The following SMCO4 variants were observed in gnomAD, a reference collection of about 807,000 sequenced individuals.
SMCO4 encodes the protein single-pass membrane and coiled-coil domain-containing protein 4.
SMCO4 carries 4 observed loss-of-function variants against 3.6 expected under a neutral mutation model. That is an observed-to-expected ratio of 1.11 (90% CI 0.54 to 2.53). The LOEUF (loss-of-function observed/expected upper bound fraction) is 2.53. Among genes scored for constraint, SMCO4 ranks in the 30% most tolerant of loss-of-function variants. The pLI is 0.02. For synonymous variants in SMCO4, 36 were observed against 35.3 expected, an observed-to-expected ratio of 1.02 and a Z score of -0.07; for missense variants, 70 against 80.8, an observed-to-expected ratio of 0.87 and a Z score of 0.51.
At chr11:93,528,604 G>A (rs1949133484) in intron 1 of SMCO4, among the ~76,000 whole-genome samples, 2 of 151,308 alleles carry the variant, frequency 1.3e-5, no homozygotes, top group South Asian at 2.1e-4. Context: ...TGCCTAAACC[G>A]GCTCTACCTT....
At chr11:93,518,063 C>G (rs1458152910) in intron 1 of SMCO4, among the ~76,000 whole-genome samples, 2 of 152,136 alleles carry the variant, frequency 1.3e-5, no homozygotes, top group Non-Finnish European at 2.9e-5. Flanking sequence ...TTTCATCAAC[C>G]CAAAAGAAAA....
intron 2 of SMCO4, among the ~76,000 whole-genome samples, chr11:93,481,780 C>T (rs1421161357): frequency 6.6e-6 from 1 of 152,220 alleles, no homozygotes; most frequent in Non-Finnish European, 1.5e-5. Flanking sequence ...CACTCTGATT[C>T]GTGGCCATTT....
At chr11:93,481,008 T>C (rs928508803) in intron 2 of SMCO4, among the ~76,000 whole-genome samples, 1 of 151,636 alleles carries the variant, frequency 6.6e-6, no homozygotes, top group Non-Finnish European at 1.5e-5. Flanking sequence ...TTTGGGCAAA[T>C]GTATAATTTC....
At chr11:93,485,423 C>A (rs1948637521) in intron 2 of SMCO4, among the ~76,000 whole-genome samples, 1 of 152,268 alleles carries the variant, frequency 6.6e-6, no homozygotes, top group Non-Finnish European at 1.5e-5. Context: ...ATGCGCTTTT[C>A]CCTCACACTG....
chr11:93,548,492 T>C, the SMCO4 span, among the ~76,000 whole-genome samples: 10 of 152,352 alleles, frequency 6.6e-5, no homozygotes, highest in East Asian at 1.9e-3. Context: ...GTTTTAATCA[T>C]GTAGCCTGTT....
At chr11:93,526,315 A>AG (rs1949106854) in intron 1 of SMCO4, among the ~76,000 whole-genome samples, 1 of 151,518 alleles carries the variant, frequency 6.6e-6, no homozygotes, top group Non-Finnish European at 1.5e-5. Context: ...AAAAAAAAAA[A>AG]TTAGGAAGAC....
upstream of SMCO4, among the ~76,000 whole-genome samples, chr11:93,546,634 A>C (rs1949317449): frequency 6.6e-6 from 1 of 152,248 alleles, no homozygotes; most frequent in African/African-American, 2.4e-5. Flanking sequence ...GAGCTGGCTC[A>C]GAGCAGAACT....
intron 2 of SMCO4, among the ~76,000 whole-genome samples, chr11:93,495,025 C>T (rs1348017792): frequency 6.6e-6 from 1 of 152,112 alleles, no homozygotes; most frequent in African/African-American, 2.4e-5. Context: ...CCCTTGCTGA[C>T]CTCCCAGGCC....
intron 1 of SMCO4, among the ~76,000 whole-genome samples, chr11:93,536,261 T>C (rs553525605): frequency 6.6e-6 from 1 of 152,340 alleles, no homozygotes; most frequent in African/African-American, 2.4e-5. Context: ...CTTGAGAGCA[T>C]AGTATGGGTA....
intron 1 of SMCO4, among the ~76,000 whole-genome samples, chr11:93,506,864 G>A (rs1285387231): frequency 3.9e-5 from 6 of 152,262 alleles, no homozygotes; most frequent in Admixed American, 2.0e-4. Context: ...CGGCACTTCC[G>A]CTGCAGGCCA....
Position 93,542,977 on chromosome 11 carries a change from TC to T in SMCO4, c.-154+298del, listed in dbSNP as rs1230872974. Reference sequence around the variant, plus strand: ...CCCGCCCGGCCCCGCGGGCTCGCGGTCCGCCCCAACTTTTCCCAGCCCCCGC... The same window carrying T: ...CCCGCCCGGCCCCGCGGGCTCGCGGTCGCCCCAACTTTTCCCAGCCCCCGC... On this transcript the variant is annotated intron_variant, in intron 1 of 2. Transcript: ENST00000298966. Among the ~76,000 whole-genome samples, 3 of 149,404 alleles carry T rather than the reference TC, an allele frequency of 2.0e-5. No individual in the cohort carries two copies. In the East Asian group the frequency reaches 6.1e-4, roughly 30 times the overall value.
chr11:93,535,511 A>G (rs1565390699), intron 1 of SMCO4: 1 of 1,395,546 alleles, frequency 7.2e-7, no homozygotes, highest in Non-Finnish European at 1.0e-6. Context: ...GGAGCTGACC[A>G]GACTTTTCCA....
At chr11:93,543,859 T>C (rs1949294342), upstream of SMCO4, among the ~76,000 whole-genome samples, 2 of 152,230 alleles carry the variant, frequency 1.3e-5, no homozygotes, top group African/African-American at 4.8e-5. Flanking sequence ...GTTGAGACTT[T>C]TACCGCTGTC....
At chr11:93,542,899 A>G (rs1007616649) in intron 1 of SMCO4, among the ~76,000 whole-genome samples, 19 of 151,938 alleles carry the variant, frequency 1.3e-4, no homozygotes, top group Non-Finnish European at 2.5e-4. Context: ...GCCCCGGCCC[A>G]AGCCCTTTGC....
At chr11:93,506,710 G>A (rs909518694) in intron 1 of SMCO4, among the ~76,000 whole-genome samples, 4 of 152,110 alleles carry the variant, frequency 2.6e-5, no homozygotes, top group Non-Finnish European at 4.4e-5. Flanking sequence ...CAAAGTGCTG[G>A]GATTACAGGC....
intron 1 of SMCO4, among the ~76,000 whole-genome samples, chr11:93,512,862 C>A (rs1331771860): frequency 6.6e-6 from 1 of 152,162 alleles, no homozygotes; most frequent in Non-Finnish European, 1.5e-5. Context: ...CAGGGCAATA[C>A]AGAGTACTAT....
At chr11:93,552,332 G>T in the SMCO4 span, among the ~76,000 whole-genome samples, 1 of 150,938 alleles carries the variant, frequency 6.6e-6, no homozygotes, top group African/African-American at 2.4e-5. Flanking sequence ...TAGAGATGGG[G>T]TTTCACCCTG....
intron 1 of SMCO4, among the ~76,000 whole-genome samples, chr11:93,525,272 A>G (rs1221134440): frequency 6.6e-6 from 1 of 152,198 alleles, no homozygotes; most frequent in Non-Finnish European, 1.5e-5. Context: ...TTACTGCCCC[A>G]CTGATTCTCA....
chr11:93,552,779 T>C, the SMCO4 span, among the ~76,000 whole-genome samples: 1 of 152,156 alleles, frequency 6.6e-6, no homozygotes, highest in Admixed American at 6.5e-5. Flanking sequence ...GCCCACATTA[T>C]TACTTTTAAC....
Sources: allele counts gnomAD v4.1 joint callset (sites outside exome capture counted in the v4.1 genomes callset), GRCh38; gene constraint gnomAD v4.1.1; transcripts MANE v1.5; gene names NCBI Gene and HGNC (gene_info 2026-07-23, HGNC 2026-07-21).